TFRC: variants seen among roughly 807,000 people sequenced by gnomAD.
The protein encoded by TFRC is transferrin receptor.
TFRC carries 35 observed loss-of-function variants against 85.8 expected under a neutral mutation model. The ratio of observed to expected loss-of-function variants is 0.41; its 90% confidence interval spans 0.31 to 0.54. The LOEUF (loss-of-function observed/expected upper bound fraction) is 0.54. Among genes scored for constraint, TFRC ranks in the 20% least tolerant of loss-of-function variants. The pLI is 0.31. For missense variants in TFRC, 828 were observed against 921.5 expected, an observed-to-expected ratio of 0.90 and a Z score of 1.31; for synonymous variants, 362 against 328.6, an observed-to-expected ratio of 1.10 and a Z score of -1.10.
chr3:196,058,699 C>A, intron 14 of TFRC, 67 bp from the exon 15 acceptor site: 1 of 1,083,320 alleles, frequency 9.2e-7, no homozygotes, highest in South Asian at 1.5e-5. Context: ...TAGTCACTAA[C>A]ATGTTACTCT....
chr3:196,058,105 C>G (rs1716966155), intron 16 of TFRC, 179 bp downstream of exon 16: 1 of 489,362 alleles, frequency 2.0e-6, no homozygotes, highest in African/African-American at 2.0e-5. Context: ...ATAATTACCT[C>G]AAAGTAATTT....
chr3:196,063,069 G>T, intron 11 of TFRC, 130 bp from the exon 12 acceptor site: 1 of 587,358 alleles, frequency 1.7e-6, no homozygotes, highest in Non-Finnish European at 2.8e-6. Context: ...TTTTTTCTGA[G>T]CCAAAAAAGA....
chr3:196,076,739 G>A (rs753314469), intron 2 of TFRC, among the ~76,000 whole-genome samples: 1 of 151,938 alleles, frequency 6.6e-6, no homozygotes, highest in Non-Finnish European at 1.5e-5. Flanking sequence ...GATTACAGGC[G>A]TGAGCCACAG....
chr3:196,065,440 T>A lies in TFRC; in HGVS notation c.1198+3A>T. The A allele has an allele frequency of 2.7e-6, 2 of 750,428 alleles. No homozygotes were observed. Among genetic ancestry groups the A allele is most frequent in the Non-Finnish European group, 2.0e-6 (1 of 500,750 alleles). The allele number at this position is 750,428 out of a possible 1,614,324, so 46.5% of individuals were successfully genotyped here. ...GGCGGGGGGGGGGGGGGGCGGTCTT[T>A]ACCTGGTTCTACAAAGCCTTTAATA... is the stretch of plus-strand genomic sequence containing the variant. On this transcript the variant is annotated splice_donor_region_variant and intron_variant, in intron 10 of 18. Coordinates refer to ENST00000360110, the MANE Select transcript of TFRC (RefSeq NM_001128148.3).
rs145624565 is a variant in TFRC at position 196,075,166 on chromosome 3, G to A, written c.231C>T (p.Phe77=). The A allele has an allele frequency of 1.2e-4, 188 of 1,611,410 alleles. No individual in the cohort carries two copies. In the East Asian group the frequency reaches 3.9e-3, roughly 33 times the overall value. Residue 77 remains phenylalanine (F), a synonymous_variant, in exon 3 of 19, where the codon TTC becomes TTT. Transcript: ENST00000360110. ...TGGAATGGTCATTCTCACCAATCAAGAAAAAGACGATCACAGCAATAGTCC... is the reference window on the plus strand; with the variant it reads ...TGGAATGGTCATTCTCACCAATCAAAAAAAAGACGATCACAGCAATAGTCC... The part of the protein sequence containing the change: ...CYGTIAVIVF[F]LIGFMIGYLG...
rs763274617 is a variant in TFRC at position 196,068,009 on chromosome 3, G to A, written c.900+23C>T. 9 of 1,588,060 alleles carry A rather than the reference G, an allele frequency of 5.7e-6. No homozygotes were observed. The African/African-American group carries it at 9.4e-5, about 17-fold the overall frequency. On this transcript the variant is annotated intron_variant, in intron 8 of 18. Transcript: ENST00000360110. ...AACAACTCAAGGAACTCAAAACGGT[G>A]ATTTACTCAAGAAATAACTCACATG...
intron 4 of TFRC, 80 bp downstream of exon 4, chr3:196,073,850 G>A: frequency 7.1e-7 from 1 of 1,404,798 alleles, no homozygotes; most frequent in Non-Finnish European, 9.6e-7. Context: ...TCCCCACAGT[G>A]TCACCATTAT....
At chr3:196,054,967 T>G in intron 17 of TFRC, 113 bp downstream of exon 17, 1 of 1,091,928 alleles carries the variant, frequency 9.2e-7, no homozygotes, top group Non-Finnish European at 1.4e-6. Flanking sequence ...CAGTTCACTT[T>G]AAAATGTACT....
Position 196,058,566 on chromosome 3 carries a change from C to T in TFRC, c.1595+8G>A, listed in dbSNP as rs948552192. The T allele has an allele frequency of 1.2e-6, 2 of 1,609,460 alleles. No individual in the cohort carries two copies. Among genetic ancestry groups the T allele is most frequent in the Non-Finnish European group, 1.7e-6 (2 of 1,178,474 alleles). On this transcript the variant is annotated splice_region_variant and intron_variant, in intron 15 of 18. Coordinates refer to ENST00000360110, the MANE Select transcript of TFRC (RefSeq NM_001128148.3). ...TATTAGTTTGTTCATTCACTTTTCT[C>T]AACTTACACTTTGCTGGCCCAGTTG...
In TFRC at chr3:196,067,549, T is replaced by C. The variant is rs41295849; in HGVS notation, c.1009A>G (p.Ile337Val). 9.5e-5 allele frequency: 154 copies of C among 1,613,958 alleles called. No homozygotes were observed. The East Asian group carries it at 3.0e-3, about 31-fold the overall frequency. ...AGCTTTTCTGCAGCAGCTCTGGAGA[T>C]TGTCTGGACAGGTATATTAGGCAAT... ...SGLPNIPVQTISRAAAEKLFG... is the reference protein window; with the variant it reads ...SGLPNIPVQTVSRAAAEKLFG... Residue 337 changes from isoleucine to valine, a missense_variant, in exon 9 of 19, where the codon ATC becomes GTC. Transcript: ENST00000360110.
At position 196,050,308 on chromosome 3, in the gene TFRC, A is replaced by C. The variant is rs1462749339; in HGVS notation, c.*1634T>G. The C allele has an allele frequency of 1.4e-5, 3 of 219,918 alleles. No homozygotes were observed. In the East Asian group the frequency reaches 2.0e-4, roughly 15 times the overall value. The allele number at this position is 219,918 out of a possible 1,614,324, so 13.6% of individuals were successfully genotyped here. On this transcript the variant is annotated 3_prime_UTR_variant, in exon 19 of 19. Transcript: ENST00000360110. The stretch of plus-strand genomic sequence containing the variant: ...CAAGCTAAATTTCAAATTTTGTAGT[A>C]ATTTCATTTTACAGTGGTTGAATTT...
intron 8 of TFRC, 88 bp downstream of exon 8, chr3:196,067,944 G>T: frequency 9.2e-7 from 1 of 1,086,856 alleles, no homozygotes; most frequent in East Asian, 2.5e-5. Flanking sequence ...GAGCAGTTAA[G>T]GAAGACACAG....
intron 1 of TFRC, 61 bp from the exon 2 acceptor site, chr3:196,077,183 C>A: frequency 8.4e-7 from 1 of 1,187,202 alleles, no homozygotes; most frequent in Non-Finnish European, 1.2e-6. Context: ...AGTGAGCTTT[C>A]TATTACCAGG....
In TFRC at chr3:196,077,058, T is replaced by A. The variant is rs758720702; in HGVS notation, c.36+6A>T. On this transcript the variant is annotated splice_donor_region_variant and intron_variant, in intron 2 of 18. Coordinates refer to ENST00000360110, the MANE Select transcript of TFRC (RefSeq NM_001128148.3). ...AGACACAGAAATACAACTGAAAATA[T>A]CTTACCAAGTTAGAGAATGCTGATC... is the stretch of plus-strand genomic sequence containing the variant. The A allele has an allele frequency of 6.2e-6, 10 of 1,613,538 alleles. No individual in the cohort carries two copies. The highest frequency in any genetic ancestry group is 8.5e-6 in the Non-Finnish European group (10 of 1,179,630).
At chr3:196,055,508 G>A in intron 16 of TFRC, 1 of 592,528 alleles carries the variant, frequency 1.7e-6, no homozygotes, top group South Asian at 2.0e-5. Flanking sequence ...CTCCTAGAGT[G>A]ACTACTTTCT....
chr3:196,049,786 C>T lies in TFRC; in HGVS notation c.*2156G>A, dbSNP rs1405057961. On this transcript the variant is annotated 3_prime_UTR_variant, in exon 19 of 19. Coordinates refer to ENST00000360110, the MANE Select transcript of TFRC (RefSeq NM_001128148.3). ...TCACTTAGCTACGCTAAATGTCAGT[C>T]CAAGATAAAAGAGGAGATTAAAGAT... 1 of 229,956 alleles carries T rather than the reference C, an allele frequency of 4.3e-6. No homozygotes were observed. Among genetic ancestry groups the T allele is most frequent in the Non-Finnish European group, 8.6e-6 (1 of 116,132 alleles). The allele number at this position is 229,956 out of a possible 1,614,324, so 14.2% of individuals were successfully genotyped here.
chr3:196,075,350 T>C lies in TFRC; in HGVS notation c.47A>G (p.Glu16Gly). The C allele has an allele frequency of 2.5e-6, 4 of 1,614,116 alleles. No individual in the cohort carries two copies. Among genetic ancestry groups the C allele is most frequent in the Admixed American group, 1.7e-5 (1 of 60,000 alleles). Residue 16 changes from glutamate to glycine, a missense_variant, in exon 3 of 19, where the codon GAA becomes GGA. Physicochemically the swap from Glu to Gly is moderately conservative, Grantham distance 98 (BLOSUM62 -2). Coordinates refer to ENST00000360110, the MANE Select transcript of TFRC (RefSeq NM_001128148.3). Reference protein sequence around the residue: ...RSAFSNLFGGEPLSYTRFSLA... With the variant: ...RSAFSNLFGGGPLSYTRFSLA... The stretch of plus-strand genomic sequence containing the variant: ...GCTGAACCGGGTATATGACAATGGT[T>C]CTCCACCAAACTGTGTTGCGGAAAA...
Position 196,068,076 on chromosome 3 carries a change from T to C in TFRC, c.856A>G (p.Thr286Ala), listed in dbSNP as rs756959272. 1.2e-6 allele frequency: 2 copies of C among 1,613,558 alleles called. No individual in the cohort carries two copies. The highest frequency in any genetic ancestry group is 1.1e-5 in the South Asian group (1 of 90,848). ...AIGVLIYMDQ[T>A]KFPIVNAELS... ...TCTGCGTTAACAATGGGAAATTTAG[T>C]CTGGTCCATGTATATCAACACACCA... is the stretch of plus-strand genomic sequence containing the variant. The change falls in exon 8 of 19, where the codon ACT becomes GCT. Residue 286 changes from threonine to alanine, a missense_variant. Thr to Ala is a moderately conservative substitution (Grantham distance 58). Transcript: ENST00000360110.
chr3:196,073,976 T>C lies in TFRC; in HGVS notation c.388A>G (p.Lys130Glu), dbSNP rs1474043545. ...GTGCTGTCCAGTTTCTCCGACAACT[T>C]TCTCTTCAGGTCATCCCAATATAAG... Reference protein sequence around the residue: ...RRLYWDDLKRKLSEKLDSTDF... With the variant: ...RRLYWDDLKRELSEKLDSTDF... The change falls in exon 4 of 19, where the codon AAG becomes GAG. Residue 130 changes from lysine (K) to glutamate (E), a missense_variant. By Grantham distance (56) the Lys-to-Glu change is moderately conservative (BLOSUM62 1). Transcript: ENST00000360110. 4 of 1,614,058 alleles carry C rather than the reference T, an allele frequency of 2.5e-6. No individual in the cohort carries two copies. Among genetic ancestry groups the C allele is most frequent in the Non-Finnish European group, 1.7e-6 (2 of 1,180,028 alleles).
Sources: allele counts gnomAD v4.1 joint callset (sites outside exome capture counted in the v4.1 genomes callset), GRCh38; gene constraint gnomAD v4.1.1; transcripts MANE v1.5; gene names NCBI Gene and HGNC (gene_info 2026-07-23, HGNC 2026-07-21).